Variants in LRRC31 observed in about 807,000 individuals in gnomAD.
The protein encoded by LRRC31 is leucine-rich repeat-containing protein 31.
A neutral mutation model predicts 46.7 loss-of-function variants in LRRC31; 35 were observed. The observed-to-expected ratio is 0.75, with a 90% CI of 0.57 to 0.99. The LOEUF is 0.99. LRRC31 is among the 50% of genes least tolerant of loss of function. The pLI is 0.00. For synonymous variants in LRRC31, 236 were observed against 235.1 expected (o/e 1.00, Z -0.03); for missense variants, 613 against 626.1 (o/e 0.98, Z 0.22).
At chr3:169,847,437 G>A (rs964238991) in intron 8 of LRRC31, among the ~76,000 whole-genome samples, 14 of 152,166 alleles carry the variant, frequency 9.2e-5, no homozygotes, top group Admixed American at 6.5e-4. Flanking sequence ...CGCCAGCCTC[G>A]GCCTCCCAAA....
chr3:169,843,485 G>C (rs976374559), intron 8 of LRRC31, among the ~76,000 whole-genome samples: 2 of 152,192 alleles, frequency 1.3e-5, no homozygotes, highest in Admixed American at 1.3e-4. Context: ...CTTACCTACA[G>C]AACTGTGAGC....
chr3:169,859,129 C>CA (rs1029540458), intron 3 of LRRC31, among the ~76,000 whole-genome samples: 36 of 148,054 alleles, frequency 2.4e-4, no homozygotes, highest in Admixed American at 1.0e-3. Flanking sequence ...GCCTAAAATA[C>CA]AAAAAAATAC....
chr3:169,848,716 G>A (rs1292488505), intron 7 of LRRC31, among the ~76,000 whole-genome samples: 1 of 152,118 alleles, frequency 6.6e-6, no homozygotes, highest in African/African-American at 2.4e-5. Flanking sequence ...TTGGCCTCCC[G>A]AAGTACTGGG....
At chr3:169,852,276 G>T (rs1417240339) in intron 6 of LRRC31, among the ~76,000 whole-genome samples, 1 of 150,994 alleles carries the variant, frequency 6.6e-6, no homozygotes, top group Non-Finnish European at 1.5e-5. Flanking sequence ...AGTGGCGGGC[G>T]CCTGTAGTTC....
chr3:169,864,970 G>A (rs1158886199), intron 1 of LRRC31, among the ~76,000 whole-genome samples: 1 of 152,134 alleles, frequency 6.6e-6, no homozygotes, highest in African/African-American at 2.4e-5. Context: ...CCAGCTACTT[G>A]GGAGGCTGAG....
chr3:169,848,041 C>T, intron 8 of LRRC31, 79 bp downstream of exon 8: 1 of 1,439,838 alleles, frequency 6.9e-7, no homozygotes, highest in Non-Finnish European at 9.5e-7. Context: ...ACCTCCCCCA[C>T]CTCCCCACCT....
chr3:169,843,139 C>T (rs1448845262), intron 8 of LRRC31, among the ~76,000 whole-genome samples: 1 of 152,098 alleles, frequency 6.6e-6, no homozygotes, highest in Non-Finnish European at 1.5e-5. Flanking sequence ...AGAGAATTTC[C>T]TCCTACTGCT....
intron 8 of LRRC31, among the ~76,000 whole-genome samples, chr3:169,840,845 G>A (rs967634319): frequency 6.6e-5 from 10 of 152,100 alleles, no homozygotes; most frequent in African/African-American, 2.2e-4. Flanking sequence ...ACCTACAATG[G>A]CACTTAAAAA....
intron 1 of LRRC31, among the ~76,000 whole-genome samples, chr3:169,865,493 C>T (rs1306830964): frequency 1.3e-5 from 2 of 152,092 alleles, no homozygotes; most frequent in South Asian, 2.1e-4. Context: ...AGTTCCTTTC[C>T]GACTGAAATC....
chr3:169,849,404 G>A (rs1780691903), intron 7 of LRRC31, among the ~76,000 whole-genome samples: 1 of 152,120 alleles, frequency 6.6e-6, no homozygotes, highest in Non-Finnish European at 1.5e-5. Flanking sequence ...CATTGATTGT[G>A]CAGCTAGAAT....
chr3:169,850,449 A>G (rs2108207078), intron 7 of LRRC31, among the ~76,000 whole-genome samples: 1 of 152,258 alleles, frequency 6.6e-6, no homozygotes, highest in Non-Finnish European at 1.5e-5. Context: ...CTGCTGTTCT[A>G]GGGCCCATGG....
chr3:169,841,863 AGTG>A (rs150471958), intron 8 of LRRC31, among the ~76,000 whole-genome samples: 2,335 of 151,990 alleles, frequency 0.015, 66 homozygotes, highest in African/African-American at 0.054. Flanking sequence ...TGGCCAAGAT[AGTG>A]AAACCCCGTC....
At position 169,869,882 on chromosome 3, in the gene LRRC31, A is replaced by G. The variant is rs1240728035; in HGVS notation, c.-75T>C. 8.0e-6 allele frequency: 11 copies of G among 1,366,590 alleles called. No homozygotes were observed. Among genetic ancestry groups the G allele is most frequent in the Admixed American group, 2.3e-5 (1 of 43,188 alleles). 84.7% of individuals were successfully genotyped at this position (1,366,590 alleles called of 1,614,324 possible). On this transcript the variant is annotated 5_prime_UTR_variant, in exon 1 of 9. Coordinates refer to ENST00000316428, the MANE Select transcript of LRRC31 (RefSeq NM_024727.4). ...CTGTTTTCTAGGATTTCTAAGAAGAAAAGAAGATTCTGTCAAGCCTGTGTT... is the reference window on the plus strand; with the variant it reads ...CTGTTTTCTAGGATTTCTAAGAAGAGAAGAAGATTCTGTCAAGCCTGTGTT...
chr3:169,848,370 G>A (rs1780666089), intron 7 of LRRC31, 83 bp from the exon 8 acceptor site: 2 of 1,256,932 alleles, frequency 1.6e-6, no homozygotes, highest in African/African-American at 3.0e-5. Flanking sequence ...ACTGGTCTAG[G>A]ACAACACATG....
At chr3:169,868,614 TGAAAA>T (rs925710470) in intron 1 of LRRC31, among the ~76,000 whole-genome samples, 10 of 152,188 alleles carry the variant, frequency 6.6e-5, no homozygotes, top group Non-Finnish European at 1.0e-4. Context: ...TGCATGCATA[TGAAAA>T]GAAAAGACTG....
Position 169,848,255 on chromosome 3 carries a change from C to A in LRRC31, c.1192G>T (p.Val398Leu). The change falls in exon 8 of 9, where the codon GTA (valine) becomes TTA (leucine). Residue 398 changes from valine (V) to leucine (L), a missense_variant. Physicochemically the swap from Val to Leu is conservative, Grantham distance 32. Coordinates refer to ENST00000316428, the MANE Select transcript of LRRC31 (RefSeq NM_024727.4). ...EASVHLSALE[V>L]FNLSWNKCVG... The stretch of plus-strand genomic sequence containing the variant: ...CACTTGTTCCAAGAAAGGTTGAATA[C>A]TTCCAGAGCAGAGAGGTGAACAGAG... 1.9e-6 allele frequency: 3 copies of A among 1,614,244 alleles called. No homozygotes were observed. The highest frequency in any genetic ancestry group is 2.5e-6 in the Non-Finnish European group (3 of 1,180,040).
intron 8 of LRRC31, among the ~76,000 whole-genome samples, chr3:169,845,047 A>G (rs1384407578): frequency 6.6e-6 from 1 of 152,198 alleles, no homozygotes; most frequent in Non-Finnish European, 1.5e-5. Context: ...AGATGAGTTT[A>G]GCAAGTTTGC....
intron 3 of LRRC31, among the ~76,000 whole-genome samples, chr3:169,858,959 T>A (rs1407249886): frequency 1.6e-5 from 2 of 122,498 alleles, no homozygotes; most frequent in South Asian, 5.6e-4. Context: ...TGAGCCAAGA[T>A]TGCACCACTG....
chr3:169,839,356 A>C lies in LRRC31; in HGVS notation c.*626T>G, dbSNP rs1234630960. The C allele has an allele frequency of 6.6e-6, 1 of 152,228 alleles. No individual in the cohort carries two copies. The highest frequency in any genetic ancestry group is 1.5e-5 in the Non-Finnish European group (1 of 68,036). The allele number at this position is 152,228 out of a possible 1,614,324, so 9.4% of individuals were successfully genotyped here. A position where few individuals can be genotyped will look rare whatever the true frequency, so the allele number is the denominator to read the frequency against. ...TAAGATTTATATGTCAGTGACTATC[A>C]TTACTGTTCATGGTTTATATCTGAG... On this transcript the variant is annotated 3_prime_UTR_variant, in exon 9 of 9. Coordinates refer to ENST00000316428, the MANE Select transcript of LRRC31 (RefSeq NM_024727.4).
Sources: gnomAD v4.1 joint callset for allele counts (sites outside exome capture counted in the v4.1 genomes callset) on GRCh38, gnomAD v4.1.1 for gene constraint, MANE v1.5 for transcripts, NCBI Gene and HGNC (gene_info 2026-07-23, HGNC 2026-07-21) for gene names.